ATP2B4: variants seen among roughly 807,000 people sequenced by gnomAD.
ATP2B4 encodes plasma membrane calcium-transporting ATPase 4.
Under a neutral mutation model 110.3 loss-of-function variants are expected in ATP2B4, and 39 were observed. The observed-to-expected ratio is 0.35, with a 90% CI of 0.27 to 0.46. The LOEUF is 0.46. Ranked by LOEUF, ATP2B4 falls within the 20% of genes least tolerant of loss-of-function variation. The probability of loss-of-function intolerance (pLI) is 1.00; values close to 1 mark genes in which losing one functional copy is unlikely to be tolerated. For synonymous variants in ATP2B4, 538 were observed against 571.7 expected, an observed-to-expected ratio of 0.94 and a Z score of 0.84; for missense variants, 1,135 against 1,530.9, an observed-to-expected ratio of 0.74 and a Z score of 4.32.
intron 20 of ATP2B4, among the ~76,000 whole-genome samples, chr1:203,734,239 G>C (rs1666819040): frequency 6.6e-6 from 1 of 151,630 alleles, no homozygotes; most frequent in African/African-American, 2.4e-5. Flanking sequence ...GGAGGCGGAG[G>C]TTACAGTGAG....
intron 1 of ATP2B4, among the ~76,000 whole-genome samples, chr1:203,658,731 C>A (rs1456201723): frequency 6.6e-6 from 1 of 152,138 alleles, no homozygotes; most frequent in African/African-American, 2.4e-5. Context: ...TAAGGCCAGG[C>A]ATGGTGGCCC....
intron 1 of ATP2B4, among the ~76,000 whole-genome samples, chr1:203,651,125 G>A (rs1663979448): frequency 6.6e-6 from 1 of 152,222 alleles, no homozygotes; most frequent in African/African-American, 2.4e-5. Flanking sequence ...TTCAACAAAA[G>A]TTCTTATTTA....
intron 19 of ATP2B4, among the ~76,000 whole-genome samples, chr1:203,725,303 G>A (rs28660116): frequency 0.2 from 30,796 of 151,530 alleles, 3,307 homozygotes; most frequent in East Asian, 0.32. Context: ...ACCCACCACC[G>A]CGCCCAGCTA....
At chr1:203,722,865 G>A (rs6661731) in intron 18 of ATP2B4, among the ~76,000 whole-genome samples, 176 bp downstream of exon 18, 2,424 of 152,284 alleles carry the variant, frequency 0.016, 71 homozygotes, top group African/African-American at 0.056. Flanking sequence ...CTCTAGAATT[G>A]GAGCCCATTG....
intron 11 of ATP2B4, among the ~76,000 whole-genome samples, chr1:203,710,672 CTA>C (rs1268801718): frequency 6.6e-6 from 1 of 152,246 alleles, no homozygotes; most frequent in Non-Finnish European, 1.5e-5. Flanking sequence ...ATCCCACTCT[CTA>C]TATATCTAGA....
chr1:203,739,750 G>A lies in ATP2B4; in HGVS notation c.3514G>A (p.Glu1172Lys), dbSNP rs1377974180. ...FGTRVLLLDG[E>K]VTPYANTNNN... is the part of the protein sequence containing the mutation. ...GACTAGGGTGCTCCTGTTGGATGGTGAGGTCACTCCATATGCCAATACAAA... is the reference window on the plus strand; with the variant it reads ...GACTAGGGTGCTCCTGTTGGATGGTAAGGTCACTCCATATGCCAATACAAA... Residue 1172 changes from glutamate (E) to lysine (K), a missense_variant, in exon 21 of 21, where the codon GAG becomes AAG. Physicochemically the swap from Glu to Lys is moderately conservative, Grantham distance 56 (BLOSUM62 1). Coordinates refer to ENST00000357681, the MANE Select transcript of ATP2B4 (RefSeq NM_001684.5). 1 of 1,614,166 alleles carries A rather than the reference G, an allele frequency of 6.2e-7. No individual in the cohort carries two copies.
At chr1:203,627,309 T>G (rs527999930) in intron 1 of ATP2B4, 90 bp downstream of exon 1, 2 of 152,398 alleles carry the variant, frequency 1.3e-5, no homozygotes, top group Admixed American at 1.3e-4. Context: ...CCGATTTTCC[T>G]CTTTCTAGAA....
intron 1 of ATP2B4, among the ~76,000 whole-genome samples, chr1:203,646,560 C>T (rs1663807107): frequency 6.6e-6 from 1 of 152,148 alleles, no homozygotes; most frequent in Non-Finnish European, 1.5e-5. Context: ...GGTCAGTGTT[C>T]AAGACCAGCC....
intron 1 of ATP2B4, among the ~76,000 whole-genome samples, chr1:203,630,665 C>T (rs1165027701): frequency 2.0e-5 from 3 of 152,330 alleles, no homozygotes; most frequent in Non-Finnish European, 4.4e-5. Flanking sequence ...TGAATTCTTC[C>T]CCCGAAGGGC....
chr1:203,705,346 A>G (rs990829969), intron 8 of ATP2B4, among the ~76,000 whole-genome samples: 7 of 152,220 alleles, frequency 4.6e-5, no homozygotes, highest in African/African-American at 1.7e-4. Flanking sequence ...GAAACATTAA[A>G]TCTACCCCAC....
At chr1:203,637,357 C>CGG (rs777406643) in intron 1 of ATP2B4, among the ~76,000 whole-genome samples, 3 of 137,818 alleles carry the variant, frequency 2.2e-5, no homozygotes, top group East Asian at 4.6e-4. Flanking sequence ...CGTGAACCCC[C>CGG]GGGGGGGGGC....
intron 20 of ATP2B4, among the ~76,000 whole-genome samples, chr1:203,736,624 C>T (rs1230321187): frequency 6.6e-6 from 1 of 152,152 alleles, no homozygotes. Flanking sequence ...ACCTGTAGGC[C>T]AGGGCCCCAA....
At chr1:203,720,906 A>T (rs962696760) in intron 16 of ATP2B4, among the ~76,000 whole-genome samples, 166 bp downstream of exon 16, 2 of 152,216 alleles carry the variant, frequency 1.3e-5, no homozygotes. Context: ...GCTTATGTAG[A>T]TGGTAACTTA....
intron 18 of ATP2B4, among the ~76,000 whole-genome samples, 168 bp downstream of exon 18, chr1:203,722,857 C>A (rs1336674963): frequency 2.6e-5 from 4 of 152,174 alleles, no homozygotes; most frequent in African/African-American, 7.2e-5. Flanking sequence ...GCATATTGCT[C>A]TAGAATTGGA....
At chr1:203,654,364 C>CTGGTACCTGGTA (rs1438312343) in intron 1 of ATP2B4, among the ~76,000 whole-genome samples, 1 of 152,128 alleles carries the variant, frequency 6.6e-6, no homozygotes, top group African/African-American at 2.4e-5. Context: ...TACCTGGTCA[C>CTGGTACCTGGTA]CCAGGATCTC....
intron 1 of ATP2B4, among the ~76,000 whole-genome samples, chr1:203,643,120 G>A (rs1193878664): frequency 6.6e-6 from 1 of 152,178 alleles, no homozygotes; most frequent in Non-Finnish European, 1.5e-5. Context: ...AGGGCATGCA[G>A]GGGCTCCATC....
intron 15 of ATP2B4, among the ~76,000 whole-genome samples, chr1:203,719,022 C>T (rs1432213808): frequency 5.3e-5 from 8 of 151,804 alleles, no homozygotes; most frequent in African/African-American, 1.9e-4. Flanking sequence ...GCCAGGATTT[C>T]GAGACCAGCC....
intron 19 of ATP2B4, 69 bp from the exon 20 acceptor site, chr1:203,727,326 A>G: frequency 6.4e-7 from 1 of 1,570,116 alleles, no homozygotes; most frequent in Non-Finnish European, 8.7e-7. Flanking sequence ...GGCCTGGCTC[A>G]TGTAAGTTGA....
At chr1:203,709,582 C>T in intron 11 of ATP2B4, 40 bp downstream of exon 11, 1 of 1,612,176 alleles carries the variant, frequency 6.2e-7, no homozygotes, top group Non-Finnish European at 8.5e-7. Flanking sequence ...TCAAGATCCT[C>T]TCCTCAGGAA....
Sources: gnomAD v4.1 joint callset for allele counts (sites outside exome capture counted in the v4.1 genomes callset) on GRCh38, gnomAD v4.1.1 for gene constraint, MANE v1.5 for transcripts, NCBI Gene and HGNC (gene_info 2026-07-23, HGNC 2026-07-21) for gene names.